The following THSD7A variants were observed in gnomAD, a reference collection of about 807,000 sequenced individuals.
THSD7A encodes the protein thrombospondin type 1 domain containing 7A, also known as thrombospondin type-1 domain-containing protein 7A.
Under a neutral mutation model 231.3 loss-of-function variants are expected in THSD7A, and 96 were observed. The observed-to-expected ratio is 0.41, with a 90% CI of 0.35 to 0.49. The LOEUF (loss-of-function observed/expected upper bound fraction) is 0.49. Ranked by LOEUF, THSD7A falls within the 20% of genes least tolerant of loss-of-function variation. THSD7A has a pLI of 0.05. For missense variants in THSD7A, 2,290 were observed against 2,070.2 expected (o/e 1.11, Z -2.06); for synonymous variants, 940 against 743.3 (o/e 1.26, Z -4.30).
chr7:11,481,541 G>A (rs1246028070), intron 7 of THSD7A, among the ~76,000 whole-genome samples: 1 of 152,120 alleles, frequency 6.6e-6, no homozygotes, highest in Admixed American at 6.6e-5. Flanking sequence ...CTAATGACTG[G>A]AAGGGTGGGA....
At chr7:11,689,990 C>T (rs1780184825) in intron 1 of THSD7A, among the ~76,000 whole-genome samples, 1 of 151,668 alleles carries the variant, frequency 6.6e-6, no homozygotes, top group African/African-American at 2.4e-5. Context: ...TAGCTTCCAA[C>T]AAAGAATTCA....
At chr7:11,597,499 A>G (rs887784014) in intron 2 of THSD7A, among the ~76,000 whole-genome samples, 6 of 152,256 alleles carry the variant, frequency 3.9e-5, no homozygotes, top group Non-Finnish European at 8.8e-5. Context: ...TCCAATGGTG[A>G]TTGAGGTGTC....
At chr7:11,376,389 T>G (rs143869258) in intron 27 of THSD7A, among the ~76,000 whole-genome samples, 181 bp downstream of exon 27, 1 of 152,188 alleles carries the variant, frequency 6.6e-6, no homozygotes, top group East Asian at 1.9e-4. Context: ...CTCTTGCTCA[T>G]CTTTAGAAAC....
At chr7:11,650,525 G>A (rs780086221) in intron 1 of THSD7A, among the ~76,000 whole-genome samples, 11 of 152,016 alleles carry the variant, frequency 7.2e-5, no homozygotes, top group Non-Finnish European at 1.3e-4. Context: ...GATCCATAAC[G>A]AGCACAGGAT....
At chr7:11,736,947 AT>A (rs1165651299) in intron 1 of THSD7A, among the ~76,000 whole-genome samples, 1 of 151,944 alleles carries the variant, frequency 6.6e-6, no homozygotes, top group African/African-American at 2.4e-5. Flanking sequence ...ACGAGATATG[AT>A]TTTTTATAAA....
intron 1 of THSD7A, among the ~76,000 whole-genome samples, chr7:11,777,864 C>T (rs1783468543): frequency 6.6e-6 from 1 of 151,906 alleles, no homozygotes; most frequent in African/African-American, 2.4e-5. Flanking sequence ...AGAAAGAAAG[C>T]CCTGGCCGGG....
chr7:11,729,636 A>C (rs1395235384), intron 1 of THSD7A, among the ~76,000 whole-genome samples: 2 of 151,804 alleles, frequency 1.3e-5, no homozygotes, highest in Admixed American at 6.6e-5. Flanking sequence ...AAATAACTTA[A>C]AAGAAGCAGA....
At chr7:11,424,208 A>AGACGGAGTCTCGCTCTGTCGCCCAGGCT (rs1784243579) in intron 16 of THSD7A, among the ~76,000 whole-genome samples, 1 of 150,834 alleles carries the variant, frequency 6.6e-6, no homozygotes, top group African/African-American at 2.5e-5. Context: ...ATTTAAATTG[A>AGACGGAGTCTCGCTCTGTCGCCCAGGCT]GTTAGTGTGG....
chr7:11,464,576 C>G (rs575406715), intron 9 of THSD7A, among the ~76,000 whole-genome samples: 123 of 152,212 alleles, frequency 8.1e-4, no homozygotes, highest in African/African-American at 2.8e-3. Flanking sequence ...GAAACATTCT[C>G]CTAATGCCTT....
At chr7:11,408,503 TAA>T (rs11372558) in intron 19 of THSD7A, among the ~76,000 whole-genome samples, 2 of 135,330 alleles carry the variant, frequency 1.5e-5, no homozygotes, top group Non-Finnish European at 1.6e-5. Context: ...GTCTCCAAAA[TAA>T]AAAAAAAAAA....
chr7:11,493,584 A>G (rs955138224), intron 6 of THSD7A, among the ~76,000 whole-genome samples: 6 of 152,086 alleles, frequency 3.9e-5, no homozygotes, highest in Non-Finnish European at 8.8e-5. Flanking sequence ...AAGAAGAAAG[A>G]GTTGATGGTT....
At position 11,590,411 on chromosome 7, in the gene THSD7A, G is replaced by A. The variant is rs1584039283; in HGVS notation, c.1453+49C>T. On this transcript the variant is annotated intron_variant, in intron 4 of 27. Transcript: ENST00000423059. This position sits in a 1 kb window ranked among gnomAD's most constrained non-coding sequence, Gnocchi z 4.4. Reference sequence around the variant, plus strand: ...ATATATCCCTTCAGAGCAATCACATGCTCAGTCAGTCTTCATAAGTGAATC... The same window carrying A: ...ATATATCCCTTCAGAGCAATCACATACTCAGTCAGTCTTCATAAGTGAATC... 6.4e-7 allele frequency: 1 copy of A among 1,560,978 alleles called. No homozygotes were observed. Among genetic ancestry groups the A allele is most frequent in the Non-Finnish European group, 8.7e-7 (1 of 1,151,308 alleles).
chr7:11,654,224 C>A (rs1308427870), intron 1 of THSD7A, among the ~76,000 whole-genome samples: 2 of 151,770 alleles, frequency 1.3e-5, no homozygotes, highest in African/African-American at 2.4e-5. Context: ...TTTCACACAA[C>A]AATTTTAGCT....
chr7:11,803,252 A>G (rs1784322765), intron 1 of THSD7A, among the ~76,000 whole-genome samples: 1 of 152,066 alleles, frequency 6.6e-6, no homozygotes, highest in South Asian at 2.1e-4. Flanking sequence ...TTGTCTCTAT[A>G]TTTTACATTA....
intron 16 of THSD7A, among the ~76,000 whole-genome samples, chr7:11,418,511 C>T (rs1479697223): frequency 1.3e-5 from 2 of 152,174 alleles, no homozygotes; most frequent in Admixed American, 1.3e-4. Flanking sequence ...GATTTAGGAA[C>T]AGAACTGCAT....
rs548488794 is a variant in THSD7A at position 11,730,587 on chromosome 7, C to A, written c.191-93626G>T. Among the ~76,000 whole-genome samples, 4 of 151,448 alleles carry A rather than the reference C, an allele frequency of 2.6e-5. No homozygotes were observed. The East Asian group carries it at 7.8e-4, about 30-fold the overall frequency. On this transcript the variant is annotated intron_variant, in intron 1 of 27. Transcript: ENST00000423059. Reference sequence around the variant, plus strand: ...TTATCTTTGGTTGAAAATATGAATACGAACTGTTTTCTTCTGCATCTTACT... The same window carrying A: ...TTATCTTTGGTTGAAAATATGAATAAGAACTGTTTTCTTCTGCATCTTACT...
Position 11,684,421 on chromosome 7 carries a change from G to GA in THSD7A, c.191-47461dup, listed in dbSNP as rs542162778. Among the ~76,000 whole-genome samples, 910 of 135,288 alleles carry GA rather than the reference G, an allele frequency of 6.7e-3. 5 individuals are homozygous for GA. The highest frequency in any genetic ancestry group is 0.023 in the Middle Eastern group (6 of 266). The allele number at this position is 135,288 out of a possible 152,430, so 88.8% of individuals were successfully genotyped here. ...TGAAAAAAAAAAAGACATTGAAATA[G>GA]AAAAAAAAAAAGGAAGTAGAATCAT... is the stretch of plus-strand genomic sequence containing the variant. On this transcript the variant is annotated intron_variant, in intron 1 of 27. Transcript: ENST00000423059.
intron 1 of THSD7A, among the ~76,000 whole-genome samples, chr7:11,813,880 A>G (rs1184667017): frequency 2.0e-5 from 3 of 152,120 alleles, no homozygotes. Context: ...TTGTACATCA[A>G]TGTTCATAGT....
intron 1 of THSD7A, among the ~76,000 whole-genome samples, chr7:11,763,139 C>T (rs538576439): frequency 6.6e-6 from 1 of 152,164 alleles, no homozygotes; most frequent in Admixed American, 6.5e-5. Context: ...CACTAAAGGC[C>T]ATTCCAAATT....
Sources: allele counts gnomAD v4.1 joint callset (sites outside exome capture counted in the v4.1 genomes callset), GRCh38; gene constraint gnomAD v4.1.1; non-coding constraint Gnocchi (gnomAD v3.1); transcripts MANE v1.5; gene names NCBI Gene and HGNC (gene_info 2026-07-23, HGNC 2026-07-21).